Variants in CCDC91 observed in about 807,000 individuals in gnomAD.
CCDC91 encodes coiled-coil domain-containing protein 91.
In CCDC91, 48 loss-of-function variants were observed where a neutral mutation model predicts 63.2. The observed-to-expected ratio is 0.76, with a 90% CI of 0.60 to 0.97. CCDC91 has a LOEUF of 0.97. CCDC91 is among the 50% of genes least tolerant of loss of function. The probability of loss-of-function intolerance (pLI) is 0.00; values close to 1 mark genes in which losing one functional copy is unlikely to be tolerated. For synonymous variants in CCDC91, 167 were observed against 165.8 expected (o/e 1.01, Z -0.06); for missense variants, 500 against 494.6 (o/e 1.01, Z -0.10).
chr12:28,248,822 C>G (rs1945933271), intron 1 of CCDC91, among the ~76,000 whole-genome samples: 3 of 152,042 alleles, frequency 2.0e-5, no homozygotes, highest in Admixed American at 6.6e-5. Flanking sequence ...GAGCATGTTT[C>G]ATTGTTGATG....
At chr12:28,276,297 G>A (rs1362337013) in intron 3 of CCDC91, among the ~76,000 whole-genome samples, 1 of 151,852 alleles carries the variant, frequency 6.6e-6, no homozygotes, top group African/African-American at 2.4e-5. Flanking sequence ...AATTATTATT[G>A]GTAATGATAG....
intron 3 of CCDC91, among the ~76,000 whole-genome samples, chr12:28,296,928 CAT>C (rs1949595437): frequency 1.3e-5 from 2 of 151,754 alleles, no homozygotes; most frequent in Non-Finnish European, 2.9e-5. Flanking sequence ...GGTTCAACAA[CAT>C]AGACCTGAAA....
Position 28,307,649 on chromosome 12 carries a change from T to C in CCDC91, c.476T>C (p.Val159Ala), listed in dbSNP as rs374437711. Residue 159 changes from valine (V) to alanine (A), a missense_variant, in exon 6 of 13, where the codon GTG (valine) becomes GCG (alanine). By Grantham distance (64) the Val-to-Ala change is moderately conservative. Transcript: ENST00000536442. ...EEEKQRIKQD[V>A]ESLMEKHNVL... is the part of the protein sequence containing the mutation. ...GTATTTGTATTTTTATTTTAGGATGTGGAATCATTGATGGAAAAGCATAAT... is the reference window on the plus strand; with the variant it reads ...GTATTTGTATTTTTATTTTAGGATGCGGAATCATTGATGGAAAAGCATAAT... 6.3e-5 allele frequency: 93 copies of C among 1,486,818 alleles called. No individual in the cohort carries two copies. The highest frequency in any genetic ancestry group is 8.3e-5 in the Non-Finnish European group (90 of 1,089,572). The allele number at this position is 1,486,818 out of a possible 1,614,324, so 92.1% of individuals were successfully genotyped here. A position where few individuals can be genotyped will look rare whatever the true frequency, so the allele number is the denominator to read the frequency against.
intron 6 of CCDC91, among the ~76,000 whole-genome samples, chr12:28,352,391 T>C (rs1943240391): frequency 6.6e-6 from 1 of 152,184 alleles, no homozygotes; most frequent in Non-Finnish European, 1.5e-5. Context: ...TTACCCAAAA[T>C]AAAACTTCTT....
At chr12:28,335,402 T>C (rs1941892118) in intron 6 of CCDC91, among the ~76,000 whole-genome samples, 1 of 140,226 alleles carries the variant, frequency 7.1e-6, no homozygotes, top group Non-Finnish European at 1.5e-5. Context: ...ATTATGTATA[T>C]ATAAATATAT....
At chr12:28,414,179 T>G (rs1190901482) in intron 8 of CCDC91, among the ~76,000 whole-genome samples, 1 of 152,206 alleles carries the variant, frequency 6.6e-6, no homozygotes, top group Non-Finnish European at 1.5e-5. Context: ...TTCTAAAATT[T>G]TTATACTGTT....
intron 3 of CCDC91, among the ~76,000 whole-genome samples, chr12:28,279,969 T>C (rs755455021): frequency 2.0e-5 from 3 of 152,150 alleles, no homozygotes; most frequent in Non-Finnish European, 4.4e-5. Flanking sequence ...ATTTTAGATA[T>C]AGCTCATATT....
Position 28,267,843 on chromosome 12 carries a change from A to T in CCDC91, c.109+8401A>T, listed in dbSNP as rs1947364420. On this transcript the variant is annotated intron_variant, in intron 3 of 12. Transcript: ENST00000536442. The stretch of plus-strand genomic sequence containing the variant: ...ATATTATTAATATATAATTATATAT[A>T]ATTATATAGTAATATATAATTATAT... Among the ~76,000 whole-genome samples, 9 of 17,616 alleles carry T rather than the reference A, an allele frequency of 5.1e-4. 2 individuals are homozygous for T. Among genetic ancestry groups the T allele is most frequent in the African/African-American group, 1.1e-3 (8 of 7,076 alleles). 11.6% of individuals were successfully genotyped at this position (17,616 alleles called of 152,430 possible). A position where few individuals can be genotyped will look rare whatever the true frequency, so the allele number is the denominator to read the frequency against.
chr12:28,233,305 T>C (rs537526361), intron 1 of CCDC91, among the ~76,000 whole-genome samples: 1 of 152,292 alleles, frequency 6.6e-6, no homozygotes, highest in Admixed American at 6.5e-5. Context: ...TATATTAGTT[T>C]TGCCTATTCT....
At chr12:28,387,435 G>T (rs1945672757) in intron 7 of CCDC91, among the ~76,000 whole-genome samples, 1 of 152,094 alleles carries the variant, frequency 6.6e-6, no homozygotes, top group South Asian at 2.1e-4. Flanking sequence ...GTGGTATTTG[G>T]TTACAAGAGT....
chr12:28,365,252 G>A (rs1944198914), intron 7 of CCDC91, among the ~76,000 whole-genome samples: 1 of 152,088 alleles, frequency 6.6e-6, no homozygotes, highest in Admixed American at 6.5e-5. Flanking sequence ...TCTTCAAAAT[G>A]CCATTTGTAA....
At chr12:28,351,938 G>C (rs766342236) in intron 6 of CCDC91, among the ~76,000 whole-genome samples, 2 of 152,104 alleles carry the variant, frequency 1.3e-5, no homozygotes, top group Admixed American at 6.6e-5. Flanking sequence ...GTTCTCCACA[G>C]ATCTTTTCTG....
intron 6 of CCDC91, among the ~76,000 whole-genome samples, chr12:28,327,519 G>GACCATATCTTTTACATATA (rs1941123991): frequency 6.6e-6 from 1 of 152,040 alleles, no homozygotes; most frequent in South Asian, 2.1e-4. Flanking sequence ...CCAATCTTTG[G>GACCATATCTTTTACATATA]GCCCTATGTA....
intron 3 of CCDC91, among the ~76,000 whole-genome samples, chr12:28,296,618 A>G (rs74075328): frequency 2.6e-5 from 4 of 152,000 alleles, no homozygotes; most frequent in Admixed American, 1.3e-4. Context: ...TATTACATCT[A>G]TATATCTATA....
chr12:28,207,688 C>A (rs11049461), intron 1 of CCDC91, among the ~76,000 whole-genome samples: 30,497 of 152,156 alleles, frequency 0.2, 3,667 homozygotes, highest in East Asian at 0.56. Context: ...TGGTTATAAA[C>A]TATTTTCACA....
chr12:28,341,880 C>A (rs566478495), intron 6 of CCDC91, among the ~76,000 whole-genome samples: 13 of 152,260 alleles, frequency 8.5e-5, no homozygotes, highest in Non-Finnish European at 1.6e-4. Context: ...AAAATCAGGA[C>A]TAAGAAAAGA....
intron 12 of CCDC91, among the ~76,000 whole-genome samples, chr12:28,520,675 G>T (rs1315255218): frequency 6.6e-6 from 1 of 152,162 alleles, no homozygotes; most frequent in Non-Finnish European, 1.5e-5. Flanking sequence ...CTATTGTCTA[G>T]ATTTTCTTCT....
At chr12:28,380,265 T>C (rs1416572271) in intron 7 of CCDC91, among the ~76,000 whole-genome samples, 1 of 152,074 alleles carries the variant, frequency 6.6e-6, no homozygotes, top group African/African-American at 2.4e-5. Context: ...ATGGCACGTG[T>C]ATACCTATGT....
At chr12:28,394,237 C>T (rs948047709) in intron 8 of CCDC91, among the ~76,000 whole-genome samples, 6 of 152,100 alleles carry the variant, frequency 3.9e-5, no homozygotes, top group South Asian at 2.1e-4. Context: ...GAGGCCACGG[C>T]GGGCCGATCA....
Sources: gnomAD v4.1 joint callset for allele counts (sites outside exome capture counted in the v4.1 genomes callset) on GRCh38, gnomAD v4.1.1 for gene constraint, MANE v1.5 for transcripts, NCBI Gene and HGNC (gene_info 2026-07-23, HGNC 2026-07-21) for gene names.